PCDHA13: variants seen among roughly 807,000 people sequenced by gnomAD.
PCDHA13 encodes the protein protocadherin alpha-13.
A neutral mutation model predicts 64.8 loss-of-function variants in PCDHA13; 54 were observed. That is an observed-to-expected ratio of 0.83 (90% confidence interval 0.67 to 1.04). PCDHA13 has a LOEUF of 1.04. PCDHA13 is among the 50% of genes least tolerant of loss of function. The pLI is 0.00. For synonymous variants in PCDHA13, 587 were observed against 564.4 expected, an observed-to-expected ratio of 1.04 and a Z score of -0.57; for missense variants, 1,248 against 1,254.3, an observed-to-expected ratio of 0.99 and a Z score of 0.08.
At chr5:140,907,564 C>A (rs782642591) in intron 1 of PCDHA13, among the ~76,000 whole-genome samples, 1 of 152,228 alleles carries the variant, frequency 6.6e-6, no homozygotes, top group African/African-American at 2.4e-5. Flanking sequence ...ATATAATCAA[C>A]TTGCCACCAG....
intron 1 of PCDHA13, among the ~76,000 whole-genome samples, chr5:140,941,202 C>CCTTTCTTCCTTTCTTTCTTTCTTTCTTT (rs1394736170): frequency 6.0e-4 from 74 of 122,806 alleles, no homozygotes; most frequent in Middle Eastern, 4.2e-3. Flanking sequence ...TTTCTTTCTT[C>CCTTTCTTCCTTTCTTTCTTTCTTTCTTT]CTTTCTTTCT....
intron 1 of PCDHA13, among the ~76,000 whole-genome samples, chr5:140,952,614 T>C (rs1381315866): frequency 6.6e-6 from 1 of 152,170 alleles, no homozygotes; most frequent in African/African-American, 2.4e-5. Flanking sequence ...CTCTCCCTCA[T>C]CTTCCCTCCA....
intron 1 of PCDHA13, chr5:140,968,527 G>A (rs782634339): frequency 9.3e-6 from 15 of 1,614,142 alleles, no homozygotes; most frequent in Middle Eastern, 1.6e-4. Flanking sequence ...CAACCAACTC[G>A]TCAGCAGCCT....
chr5:140,902,846 A>C (rs1119032), intron 1 of PCDHA13, among the ~76,000 whole-genome samples: 2 of 152,088 alleles, frequency 1.3e-5, no homozygotes, highest in African/African-American at 2.4e-5. Context: ...CTTCACTTAG[A>C]AAAATGGCGT....
At chr5:140,901,580 C>T (rs2068755035) in intron 1 of PCDHA13, among the ~76,000 whole-genome samples, 3 of 152,008 alleles carry the variant, frequency 2.0e-5, no homozygotes, top group Admixed American at 6.6e-5. Context: ...TATGCCAGTG[C>T]CATGATGTTT....
chr5:140,907,558 A>G (rs2073449629), intron 1 of PCDHA13, among the ~76,000 whole-genome samples: 1 of 152,186 alleles, frequency 6.6e-6, no homozygotes, highest in Non-Finnish European at 1.5e-5. Flanking sequence ...GGTCCAATAT[A>G]ATCAACTTGC....
chr5:140,937,868 C>T (rs1433466146), intron 1 of PCDHA13, among the ~76,000 whole-genome samples: 2 of 150,648 alleles, frequency 1.3e-5, no homozygotes, highest in Admixed American at 6.6e-5. Context: ...GCCGAGATCG[C>T]GCCACTGCAC....
rs1554262437 is a variant in PCDHA13, at chr5:141,009,799, C to T, written c.2715C>T (p.Asn905=). 1 of 1,614,104 alleles carries T rather than the reference C, an allele frequency of 6.2e-7. No individual in the cohort carries two copies. Residue 905 remains asparagine (N), a synonymous_variant, in exon 4 of 4, where the codon AAC becomes AAT. Coordinates refer to ENST00000289272, the MANE Select transcript of PCDHA13 (RefSeq NM_018904.3). ...AIISIRQEPT[N]SQIDKSDFIT... is the part of the protein sequence containing the mutation. ...TCTCCATCCGGCAGGAGCCTACTAACAGCCAAATTGACAAAAGTGACTTCA... is the reference window on the plus strand; with the variant it reads ...TCTCCATCCGGCAGGAGCCTACTAATAGCCAAATTGACAAAAGTGACTTCA...
chr5:141,005,701 CA>C (rs59860837), intron 3 of PCDHA13, among the ~76,000 whole-genome samples: 201 of 7,776 alleles, frequency 0.026, no homozygotes, highest in African/African-American at 0.052. Flanking sequence ...AACTCCGTCT[CA>C]AAAAAAAAAA....
At chr5:140,975,823 G>A (rs1239122577) in intron 1 of PCDHA13, among the ~76,000 whole-genome samples, 2 of 152,164 alleles carry the variant, frequency 1.3e-5, no homozygotes, top group Non-Finnish European at 2.9e-5. Context: ...AGGAACTGAA[G>A]TGTATTCTTA....
intron 1 of PCDHA13, among the ~76,000 whole-genome samples, chr5:140,918,402 T>C (rs906018367): frequency 1.3e-5 from 2 of 152,212 alleles, no homozygotes; most frequent in African/African-American, 4.8e-5. Flanking sequence ...GCCTGATTTC[T>C]CTGGCCAGGA....
At chr5:140,951,543 CG>C (rs1201907714) in intron 1 of PCDHA13, among the ~76,000 whole-genome samples, 2 of 151,550 alleles carry the variant, frequency 1.3e-5, no homozygotes, top group Admixed American at 1.3e-4. Flanking sequence ...GAGCAAGGGA[CG>C]GGGGGAAGTG....
intron 1 of PCDHA13, among the ~76,000 whole-genome samples, chr5:140,934,108 T>C (rs574657499): frequency 6.6e-6 from 1 of 152,276 alleles, no homozygotes; most frequent in East Asian, 1.9e-4. Flanking sequence ...TCTATTTTAT[T>C]AATTTTCATA....
intron 1 of PCDHA13, among the ~76,000 whole-genome samples, chr5:140,924,989 C>T (rs782768303): frequency 7.9e-5 from 12 of 151,328 alleles, no homozygotes; most frequent in Admixed American, 1.3e-4. Context: ...GTCTGTAATC[C>T]TAGCACTTTA....
rs1554173779 is a variant in PCDHA13 at position 140,882,358 on chromosome 5, G to T, written c.90G>T (p.Gln30His). ...CAGCCTGGGAGACGGGTAGTGGCCA[G>T]CTCCACTACTCCGTCCCCGAGGAAG... ...ILAAWETGSG[Q>H]LHYSVPEEAK... The change falls in exon 1 of 4, where the codon CAG (glutamine) becomes CAT (histidine). Residue 30 changes from glutamine (Q) to histidine (H), a missense_variant. Coordinates refer to ENST00000289272, the MANE Select transcript of PCDHA13 (RefSeq NM_018904.3). 3.7e-6 allele frequency: 6 copies of T among 1,614,232 alleles called. No individual in the cohort carries two copies. The highest frequency in any genetic ancestry group is 1.7e-4 in the Middle Eastern group (1 of 6,058).
chr5:140,884,104 G>A lies in PCDHA13; in HGVS notation c.1836G>A (p.Gln612=). 3 of 1,613,464 alleles carry A rather than the reference G, an allele frequency of 1.9e-6. No homozygotes were observed. The highest frequency in any genetic ancestry group is 1.3e-5 in the African/African-American group (1 of 75,038). Residue 612 remains glutamine, a synonymous_variant, in exon 1 of 4, where the codon CAG becomes CAA. Transcript: ENST00000289272. ...ATGCGTGGCTTTCGTATGAATTGCAGCTGGCGGCGGTCGGCGCGCGCATCC... is the reference window on the plus strand; with the variant it reads ...ATGCGTGGCTTTCGTATGAATTGCAACTGGCGGCGGTCGGCGCGCGCATCC... ...GYNAWLSYEL[Q]LAAVGARIPF... is the part of the protein sequence containing the mutation.
rs1383347742 is a variant in PCDHA13, at chr5:140,943,271, AAAAAAAG to A, written c.2395-35674_2395-35668del. ...AGACTCTGTCTCAAAAAAAAAAAAA[AAAAAAAG>A]AAAGAAAGAATTAAATTTTGGGAAG... On this transcript the variant is annotated intron_variant, in intron 1 of 3. Transcript: ENST00000289272. Among the ~76,000 whole-genome samples, 73 of 150,734 alleles carry A rather than the reference AAAAAAAG, an allele frequency of 4.8e-4. 1 individual carries two copies. The highest frequency in any genetic ancestry group is 1.6e-3 in the African/African-American group (65 of 40,848).
chr5:140,999,450 A>G (rs2097858332), intron 3 of PCDHA13, among the ~76,000 whole-genome samples: 1 of 152,198 alleles, frequency 6.6e-6, no homozygotes, highest in Admixed American at 6.5e-5. Flanking sequence ...TATTCGTTCA[A>G]CGAATAAGTG....
At chr5:140,967,346 G>A (rs1332345482) in intron 1 of PCDHA13, 1 of 1,607,970 alleles carries the variant, frequency 6.2e-7, no homozygotes, top group Non-Finnish European at 8.5e-7. Flanking sequence ...CGAGCACTTC[G>A]AGCTGGACCT....
Sources: allele counts gnomAD v4.1 joint callset (sites outside exome capture counted in the v4.1 genomes callset), GRCh38; gene constraint gnomAD v4.1.1; transcripts MANE v1.5; gene names NCBI Gene and HGNC (gene_info 2026-07-23, HGNC 2026-07-21).